GSE1: variants seen among roughly 807,000 people sequenced by gnomAD.
GSE1 encodes the protein Gse1 coiled-coil protein, also known as genetic suppressor element 1.
Under a neutral mutation model 112.6 loss-of-function variants are expected in GSE1, and 32 were observed. The ratio of observed to expected loss-of-function variants is 0.28; its 90% CI spans 0.21 to 0.38. GSE1 has a LOEUF of 0.38. GSE1 is among the 10% of genes least tolerant of loss of function. The probability of loss-of-function intolerance (pLI) is 1.00; values close to 1 mark genes in which losing one functional copy is unlikely to be tolerated. For missense variants in GSE1, 2,348 were observed against 1,699.2 expected, an observed-to-expected ratio of 1.38 and a Z score of -6.71; for synonymous variants, 1,115 against 735.6, an observed-to-expected ratio of 1.52 and a Z score of -8.35.
chr16:85,633,044 C>T (rs535606377), intron 1 of GSE1, among the ~76,000 whole-genome samples: 10 of 151,444 alleles, frequency 6.6e-5, no homozygotes, highest in South Asian at 2.1e-4. Flanking sequence ...CACCACTGGC[C>T]GGGAGGGCCA....
chr16:85,421,441 G>C (rs1021878631), intron 2 of GSE1, among the ~76,000 whole-genome samples: 1 of 152,204 alleles, frequency 6.6e-6, no homozygotes, highest in African/African-American at 2.4e-5. Flanking sequence ...ATTCAACCAG[G>C]AGAAAGCTGG....
chr16:85,309,606 C>G (rs59552890), intron 1 of GSE1, among the ~76,000 whole-genome samples: 1 of 152,230 alleles, frequency 6.6e-6, no homozygotes, highest in Non-Finnish European at 1.5e-5. Context: ...GCACGTGGCC[C>G]ACCCCCCGGA....
chr16:85,251,252 G>T (rs1224025192), intron 1 of GSE1, among the ~76,000 whole-genome samples: 1 of 152,248 alleles, frequency 6.6e-6, no homozygotes, highest in Non-Finnish European at 1.5e-5. Flanking sequence ...TTGCCCTCAG[G>T]CTGCTTTGTC....
intron 2 of GSE1, among the ~76,000 whole-genome samples, chr16:85,458,695 C>T (rs2049898282): frequency 6.6e-6 from 1 of 152,172 alleles, no homozygotes; most frequent in Admixed American, 6.5e-5. Flanking sequence ...TCTCAGGCCC[C>T]GCCCCAGACC....
At chr16:85,198,473 C>T (rs776258976) in intron 1 of GSE1, among the ~76,000 whole-genome samples, 6 of 151,990 alleles carry the variant, frequency 3.9e-5, no homozygotes, top group African/African-American at 9.7e-5. Flanking sequence ...GCTGACCTTG[C>T]GATGGGGGAG....
chr16:85,344,170 G>A (rs565335973), intron 1 of GSE1, among the ~76,000 whole-genome samples: 16 of 152,332 alleles, frequency 1.1e-4, no homozygotes, highest in African/African-American at 3.8e-4. Context: ...AATGGACATG[G>A]GGTGGGATGC....
At chr16:85,437,334 TAGA>T (rs2049272584) in intron 2 of GSE1, among the ~76,000 whole-genome samples, 1 of 152,124 alleles carries the variant, frequency 6.6e-6, no homozygotes, top group South Asian at 2.1e-4. Flanking sequence ...TACATGTAAA[TAGA>T]AGAACTGGCC....
intron 1 of GSE1, among the ~76,000 whole-genome samples, chr16:85,255,744 A>G (rs1035851070): frequency 6.9e-6 from 1 of 145,466 alleles, no homozygotes; most frequent in Admixed American, 7.2e-5. Flanking sequence ...TTTGGAGTGC[A>G]GTGGCGTGAT....
intron 2 of GSE1, among the ~76,000 whole-genome samples, chr16:85,447,190 G>C (rs945100685): frequency 1.3e-5 from 2 of 152,176 alleles, no homozygotes; most frequent in African/African-American, 4.8e-5. Context: ...TTGCAAGCAA[G>C]AAGGCACTAG....
chr16:85,269,061 G>T (rs1026010501), intron 1 of GSE1, among the ~76,000 whole-genome samples: 4 of 149,470 alleles, frequency 2.7e-5, no homozygotes, highest in East Asian at 3.9e-4. Context: ...CCTGGGGTGG[G>T]CATGCCCTGC....
intron 2 of GSE1, among the ~76,000 whole-genome samples, chr16:85,447,479 G>C (rs551622944): frequency 1.3e-5 from 2 of 152,326 alleles, no homozygotes; most frequent in East Asian, 3.9e-4. Flanking sequence ...ACACTGGTGC[G>C]CTGTGAGGAC....
intron 1 of GSE1, among the ~76,000 whole-genome samples, chr16:85,606,179 C>T (rs1476654197): frequency 6.6e-6 from 1 of 152,202 alleles, no homozygotes; most frequent in African/African-American, 2.4e-5. Flanking sequence ...TTATAAAAGC[C>T]TGCTAAAATC....
At position 85,386,184 on chromosome 16, in the gene GSE1, C is replaced by G. The variant is rs190183965; in HGVS notation, c.2464+28541C>G. ...GGTGGAACCCTCCCACGCCCTGCCC[C>G]CTGTTTGGGCTCAGCATTGTGGCCA... is the stretch of plus-strand genomic sequence containing the variant. On this transcript the variant is annotated intron_variant, in intron 2 of 2. Transcript: ENST00000637419. Among the ~76,000 whole-genome samples, 707 of 152,334 alleles carry G rather than the reference C, an allele frequency of 4.6e-3. 5 individuals carry two copies. The highest frequency in any genetic ancestry group is 6.7e-3 in the Non-Finnish European group (455 of 68,034).
At chr16:85,199,708 T>C (rs1172361660) in intron 1 of GSE1, among the ~76,000 whole-genome samples, 2 of 151,918 alleles carry the variant, frequency 1.3e-5, no homozygotes, top group African/African-American at 4.8e-5. Context: ...GAGCTCAGGA[T>C]CCAAAAAGGA....
upstream of GSE1, among the ~76,000 whole-genome samples, chr16:85,612,745 C>T (rs369308924): frequency 6.6e-6 from 1 of 152,226 alleles, no homozygotes; most frequent in East Asian, 1.9e-4. Flanking sequence ...TGTCGCCTCC[C>T]CCCACCCCAC....
chr16:85,654,508 G>GT, intron 4 of GSE1, 58 bp downstream of exon 4: 1 of 1,430,180 alleles, frequency 7.0e-7, no homozygotes, highest in Non-Finnish European at 9.5e-7. Context: ...AGTGCTCAGG[G>GT]TCTGGGTCCC....
At chr16:85,295,889 G>A (rs2045352663) in intron 1 of GSE1, among the ~76,000 whole-genome samples, 1 of 151,836 alleles carries the variant, frequency 6.6e-6, no homozygotes, top group African/African-American at 2.4e-5. Flanking sequence ...ACAGGTGTGA[G>A]CCACCGCACC....
chr16:85,668,062 A>G, intron 13 of GSE1, 78 bp from the exon 14 acceptor site: 9 of 1,095,066 alleles, frequency 8.2e-6, no homozygotes, highest in Non-Finnish European at 1.2e-5. Context: ...CACCAAGGGC[A>G]GAGCAGAGCT....
At chr16:85,349,306 G>A (rs1030454647) in intron 1 of GSE1, among the ~76,000 whole-genome samples, 4 of 152,264 alleles carry the variant, frequency 2.6e-5, no homozygotes, top group South Asian at 2.1e-4. Context: ...ATTAAGGGGC[G>A]TAAAATACTG....
Sources: allele counts gnomAD v4.1 joint callset (sites outside exome capture counted in the v4.1 genomes callset), GRCh38; gene constraint gnomAD v4.1.1; transcripts MANE v1.5; gene names NCBI Gene and HGNC (gene_info 2026-07-23, HGNC 2026-07-21).